TM7SF3: variants seen among roughly 807,000 people sequenced by gnomAD.
TM7SF3 encodes the protein transmembrane 7 superfamily member 3.
In TM7SF3, 60 loss-of-function variants were observed where a neutral mutation model predicts 65.5. That is an observed-to-expected ratio of 0.92 (90% CI 0.74 to 1.14). The LOEUF (loss-of-function observed/expected upper bound fraction) is 1.14. TM7SF3 is among the 50% of genes most tolerant of loss of function. TM7SF3 has a pLI of 0.00. For missense variants in TM7SF3, 623 were observed against 684.8 expected, an observed-to-expected ratio of 0.91 and a Z score of 1.01; for synonymous variants, 264 against 259.6, an observed-to-expected ratio of 1.02 and a Z score of -0.16.
chr12:26,995,199 C>T (rs772412061), intron 5 of TM7SF3, 38 bp downstream of exon 5: 1 of 1,590,872 alleles, frequency 6.3e-7, no homozygotes, highest in Non-Finnish European at 8.6e-7. Context: ...ACAAAGGTGT[C>T]ACAATCCAGC....
intron 6 of TM7SF3, among the ~76,000 whole-genome samples, chr12:26,983,959 A>T (rs1939928706): frequency 6.6e-6 from 1 of 152,168 alleles, no homozygotes; most frequent in Non-Finnish European, 1.5e-5. Flanking sequence ...ATACAATCTC[A>T]TGCTAAAATA....
At chr12:26,983,551 A>C (rs1185019769) in intron 6 of TM7SF3, 2 of 455,128 alleles carry the variant, frequency 4.4e-6, no homozygotes, top group Admixed American at 4.7e-5. Context: ...TCCAGTGATA[A>C]AGGAGGGTGA....
intron 5 of TM7SF3, among the ~76,000 whole-genome samples, chr12:26,994,304 C>G (rs1263075386): frequency 6.6e-6 from 1 of 152,144 alleles, no homozygotes; most frequent in Non-Finnish European, 1.5e-5. Flanking sequence ...AGGCACTTTT[C>G]AAGACATAAA....
chr12:26,980,274 T>G (rs1278230747), intron 8 of TM7SF3: 1 of 523,878 alleles, frequency 1.9e-6, no homozygotes, highest in Non-Finnish European at 3.4e-6. Flanking sequence ...CCTCAACATT[T>G]TGCTTGTTGT....
At chr12:26,982,567 A>G (rs1286231404) in intron 7 of TM7SF3, among the ~76,000 whole-genome samples, 1 of 152,194 alleles carries the variant, frequency 6.6e-6, no homozygotes, top group African/African-American at 2.4e-5. Flanking sequence ...TTCCCCTGTT[A>G]ATAAGAGAAG....
chr12:27,011,533 C>T (rs1009607795), intron 1 of TM7SF3, among the ~76,000 whole-genome samples: 2 of 152,208 alleles, frequency 1.3e-5, no homozygotes, highest in African/African-American at 4.8e-5. Flanking sequence ...CAAGTTAGCT[C>T]ATCCTGCCAA....
chr12:26,982,280 C>G (rs1014852727), intron 7 of TM7SF3, among the ~76,000 whole-genome samples: 1 of 152,194 alleles, frequency 6.6e-6, no homozygotes, highest in African/African-American at 2.4e-5. Context: ...AAGCAGTCTG[C>G]CTGCCTCAGC....
intron 5 of TM7SF3, 60 bp from the exon 6 acceptor site, chr12:26,990,687 T>C: frequency 7.8e-7 from 1 of 1,284,702 alleles, no homozygotes; most frequent in Non-Finnish European, 1.1e-6. Context: ...TATTCTGTGA[T>C]AATCCCACCT....
In TM7SF3 at chr12:27,003,473, T is replaced by C. The variant is rs1407453264; in HGVS notation, c.92-83A>G. 10 of 1,335,126 alleles carry C rather than the reference T, an allele frequency of 7.5e-6. No individual in the cohort carries two copies. In the East Asian group the frequency reaches 2.1e-4, roughly 28 times the overall value. 82.7% of individuals were successfully genotyped at this position (1,335,126 alleles called of 1,614,324 possible). ...ATCATATTCATAAATGAATGTGGAA[T>C]TTAATCCTCAGAAAAACTCCTTGAG... On this transcript the variant is annotated intron_variant, in intron 1 of 11. Transcript: ENST00000343028.
chr12:26,980,060 T>C (rs2068372), intron 8 of TM7SF3, 124 bp from the exon 9 acceptor site: 109,898 of 1,157,894 alleles, frequency 0.095, 5,825 homozygotes, highest in East Asian at 0.15. Flanking sequence ...TGAGGGCTCT[T>C]CAGTGGTGCC....
chr12:26,974,776 A>G (rs917113617), intron 11 of TM7SF3, among the ~76,000 whole-genome samples: 8 of 152,212 alleles, frequency 5.3e-5, no homozygotes, highest in African/African-American at 1.9e-4. Flanking sequence ...AAGAGTTTTA[A>G]GGTTTTCAAG....
intron 5 of TM7SF3, among the ~76,000 whole-genome samples, chr12:26,991,168 C>T (rs1940344296): frequency 8.6e-6 from 1 of 115,932 alleles, no homozygotes; most frequent in South Asian, 3.0e-4. Context: ...TTTTTTGAGA[C>T]GGAGTCTCGC....
intron 5 of TM7SF3, among the ~76,000 whole-genome samples, chr12:26,994,550 T>G (rs1940509458): frequency 6.6e-6 from 1 of 152,224 alleles, no homozygotes; most frequent in Admixed American, 6.5e-5. Flanking sequence ...TTTCACCATG[T>G]TGGACAGGCT....
chr12:26,982,736 T>G (rs74332145), intron 7 of TM7SF3, 37 bp downstream of exon 7: 117,477 of 1,473,462 alleles, frequency 0.08, 5,641 homozygotes, highest in East Asian at 0.21. Flanking sequence ...CTGAAAAGAC[T>G]GCAAAATGGA....
chr12:26,977,284 T>C (rs1403566529), intron 9 of TM7SF3, among the ~76,000 whole-genome samples: 1 of 152,244 alleles, frequency 6.6e-6, no homozygotes, highest in Non-Finnish European at 1.5e-5. Flanking sequence ...TGTGGCTTTC[T>C]TGTAAAAGGC....
At position 27,014,080 on chromosome 12, in the gene TM7SF3, T is replaced by C; in HGVS notation, c.89A>G (p.Glu30Gly). 1 of 1,566,764 alleles carries C rather than the reference T, an allele frequency of 6.4e-7. No homozygotes were observed. Among genetic ancestry groups the C allele is most frequent in the Middle Eastern group, 1.7e-4 (1 of 6,010 alleles). The change falls in exon 1 of 12, where the codon GAG becomes GGG. Residue 30 changes from glutamate to glycine, a missense_variant and splice_region_variant. By Grantham distance (98) the Glu-to-Gly change is moderately conservative. Coordinates refer to ENST00000343028, the MANE Select transcript of TM7SF3 (RefSeq NM_016551.3). ...GAAGCCAGGCGCCCCGACCTTACCC[T>C]CGCTGGAATTCCCGAAGACCTCGGC... ...GAAEVFGNSS[E>G]GLIEFSVGKF... is the part of the protein sequence containing the mutation.
Position 26,999,617 on chromosome 12 carries a change from T to A in TM7SF3, c.306A>T (p.Arg102Ser). 1 of 1,614,064 alleles carries A rather than the reference T, an allele frequency of 6.2e-7. No individual in the cohort carries two copies. The highest frequency in any genetic ancestry group is 1.1e-5 in the South Asian group (1 of 91,076). Residue 102 changes from arginine to serine, a missense_variant, in exon 3 of 12, where the codon AGA becomes AGT. By Grantham distance (110) the Arg-to-Ser change is moderately radical. Transcript: ENST00000343028. ...GTASGLVFIL[R>S]PEQSTCTWYL... is the part of the protein sequence containing the mutation. The stretch of plus-strand genomic sequence containing the variant: ...ACCAAGTGCATGTACTCTGCTCTGG[T>A]CTAAGGATGAAAACCAGTCCACTGG...
chr12:26,977,852 C>T lies in TM7SF3; in HGVS notation c.1190-1495G>A, dbSNP rs930824938. ...GTGCAGTGGCTCAAGCCTGTAATCC[C>T]AACACTTTGGGAGGCCGAGGTGGGA... On this transcript the variant is annotated intron_variant, in intron 9 of 11. Coordinates refer to ENST00000343028, the MANE Select transcript of TM7SF3 (RefSeq NM_016551.3). 1.6e-4 allele frequency: 43 copies of T among 274,600 alleles called. No individual in the cohort carries two copies. The Admixed American group carries it at 2.1e-3, about 13-fold the overall frequency. 17.0% of individuals were successfully genotyped at this position (274,600 alleles called of 1,614,324 possible).
chr12:26,988,561 G>A (rs933982168), intron 6 of TM7SF3, among the ~76,000 whole-genome samples: 4 of 151,984 alleles, frequency 2.6e-5, no homozygotes, highest in African/African-American at 9.7e-5. Context: ...TGTTAGCTTC[G>A]TAATTTTGAT....
Sources: gnomAD v4.1 joint callset for allele counts (sites outside exome capture counted in the v4.1 genomes callset) on GRCh38, gnomAD v4.1.1 for gene constraint, MANE v1.5 for transcripts, NCBI Gene and HGNC (gene_info 2026-07-23, HGNC 2026-07-21) for gene names.